The following NCAM2 variants were observed in gnomAD, a reference collection of about 807,000 sequenced individuals.
The protein encoded by NCAM2 is neural cell adhesion molecule 2.
In NCAM2, 30 loss-of-function variants were observed where a neutral mutation model predicts 98.1. The observed-to-expected ratio is 0.31, with a 90% confidence interval of 0.23 to 0.41. The LOEUF is 0.41. NCAM2 is among the 10% of genes least tolerant of loss of function. The pLI is 1.00. For synonymous variants in NCAM2, 368 were observed against 342.4 expected (o/e 1.07, Z -0.83); for missense variants, 867 against 1,005.8 (o/e 0.86, Z 1.87).
At chr21:21,104,813 G>A (rs2066312803) in intron 1 of NCAM2, among the ~76,000 whole-genome samples, 1 of 152,120 alleles carries the variant, frequency 6.6e-6, no homozygotes, top group Admixed American at 6.6e-5. Flanking sequence ...TTGATGGTCT[G>A]TTACTTCTGA....
intron 5 of NCAM2, among the ~76,000 whole-genome samples, chr21:21,321,605 A>C (rs2074377061): frequency 6.6e-6 from 1 of 152,118 alleles, no homozygotes; most frequent in African/African-American, 2.4e-5. Context: ...ATGATGAAAG[A>C]TAGTGGTCCA....
chr21:21,358,896 A>T (rs558653529), intron 8 of NCAM2, among the ~76,000 whole-genome samples: 7 of 151,982 alleles, frequency 4.6e-5, no homozygotes, highest in African/African-American at 2.4e-5. Flanking sequence ...TTTTTAGTTG[A>T]TGATTTTCTA....
chr21:21,115,588 G>C (rs926328509), intron 1 of NCAM2, among the ~76,000 whole-genome samples: 2 of 152,030 alleles, frequency 1.3e-5, no homozygotes, highest in Admixed American at 1.3e-4. Context: ...TAAGTTCATG[G>C]AATGTCCCTG....
At chr21:21,015,314 C>T (rs539073153) in intron 1 of NCAM2, among the ~76,000 whole-genome samples, 4 of 152,156 alleles carry the variant, frequency 2.6e-5, no homozygotes, top group South Asian at 2.1e-4. Context: ...AAGGAAGAGC[C>T]GATTGAAAAC....
intron 1 of NCAM2, among the ~76,000 whole-genome samples, chr21:21,013,225 G>C (rs191951772): frequency 8.9e-4 from 135 of 152,220 alleles, no homozygotes; most frequent in Non-Finnish European, 1.4e-3. Context: ...ACCAAATTAT[G>C]AATGCAGAAA....
At chr21:21,285,132 A>G (rs2073056620) in intron 3 of NCAM2, among the ~76,000 whole-genome samples, 1 of 151,878 alleles carries the variant, frequency 6.6e-6, no homozygotes, top group African/African-American at 2.4e-5. Flanking sequence ...CCTATGTGAT[A>G]TATGGAGTTT....
intron 8 of NCAM2, among the ~76,000 whole-genome samples, chr21:21,340,168 A>G (rs1246481425): frequency 1.3e-5 from 2 of 151,890 alleles, no homozygotes; most frequent in Admixed American, 6.6e-5. Flanking sequence ...AGATCACTCA[A>G]AAGTATTTAC....
At chr21:21,313,599 G>A (rs914941725) in intron 5 of NCAM2, among the ~76,000 whole-genome samples, 1 of 151,676 alleles carries the variant, frequency 6.6e-6, no homozygotes, top group African/African-American at 2.4e-5. Flanking sequence ...CATTTCAAGT[G>A]ATTTCTTATA....
At chr21:21,011,583 A>G (rs1416634402) in intron 1 of NCAM2, among the ~76,000 whole-genome samples, 1 of 152,074 alleles carries the variant, frequency 6.6e-6, no homozygotes, top group East Asian at 1.9e-4. Flanking sequence ...TTGTTGTTAG[A>G]ACATCTAAGA....
At chr21:21,305,593 T>G (rs927824320) in intron 5 of NCAM2, among the ~76,000 whole-genome samples, 3 of 6,342 alleles carry the variant, frequency 4.7e-4, no homozygotes, top group Admixed American at 2.8e-3. Flanking sequence ...TTTCCTAAAT[T>G]ACTGAGTTTT....
At chr21:21,249,184 T>G (rs936003891) in intron 1 of NCAM2, among the ~76,000 whole-genome samples, 7 of 152,208 alleles carry the variant, frequency 4.6e-5, no homozygotes, top group African/African-American at 1.7e-4. Context: ...CTTTCCTCAG[T>G]TACATATTCC....
chr21:21,348,940 A>G (rs1313283857), intron 8 of NCAM2, among the ~76,000 whole-genome samples: 1 of 152,142 alleles, frequency 6.6e-6, no homozygotes, highest in African/African-American at 2.4e-5. Flanking sequence ...TCCAATCAAA[A>G]TGGATTAAAG....
chr21:21,167,005 C>G (rs2067973688), intron 1 of NCAM2, among the ~76,000 whole-genome samples: 1 of 152,196 alleles, frequency 6.6e-6, no homozygotes, highest in African/African-American at 2.4e-5. Flanking sequence ...CTACCCTTCT[C>G]TAAGTATTGC....
rs150136401 is a variant in NCAM2, at chr21:21,526,737, G to A, written c.2283-7800G>A. Among the ~76,000 whole-genome samples, 139 of 152,134 alleles carry A rather than the reference G, an allele frequency of 9.1e-4. No individual in the cohort carries two copies. In the South Asian group the frequency reaches 0.012, roughly 13 times the overall value. On this transcript the variant is annotated intron_variant, in intron 16 of 17. Transcript: ENST00000400546. ...AACTTCAATACTTACTATAAGCTAC[G>A]ATAAACAAGACTTTGTGATATTGGC...
chr21:21,129,688 C>T (rs1051241434), intron 1 of NCAM2, among the ~76,000 whole-genome samples: 6 of 151,668 alleles, frequency 4.0e-5, no homozygotes, highest in South Asian at 2.1e-4. Flanking sequence ...CCTCTTTTGT[C>T]GCTGTTGCCA....
chr21:21,387,847 A>G (rs184997636), intron 9 of NCAM2, among the ~76,000 whole-genome samples: 21 of 152,320 alleles, frequency 1.4e-4, no homozygotes, highest in Admixed American at 3.9e-4. Context: ...TTAAAAAATA[A>G]AGTAGAAAAA....
chr21:21,319,837 G>T (rs1004473693), intron 5 of NCAM2, among the ~76,000 whole-genome samples: 25 of 152,080 alleles, frequency 1.6e-4, no homozygotes, highest in African/African-American at 5.8e-4. Context: ...ATGCAACAAA[G>T]CATCAGTTAA....
chr21:21,189,912 C>G (rs921345516), intron 1 of NCAM2, among the ~76,000 whole-genome samples: 11 of 152,108 alleles, frequency 7.2e-5, no homozygotes, highest in African/African-American at 2.7e-4. Flanking sequence ...CAGAGCAATG[C>G]CGTCAAGTGG....
rs1301692295 is a variant in NCAM2, at chr21:21,125,646, GTATATGTAGAGATATATATATC to G, written c.55+127034_55+127055del. ...ATATATAATATATAATATTTTACGT[GTATATGTAGAGATATATATATC>G]TATATATAGAGATATATATGTAATA... On this transcript the variant is annotated intron_variant, in intron 1 of 17. Coordinates refer to ENST00000400546, the MANE Select transcript of NCAM2 (RefSeq NM_004540.5). 6.8e-5 allele frequency among the ~76,000 whole-genome samples: 9 copies of G among 133,230 alleles called. No homozygotes were observed. In the East Asian group the frequency reaches 8.5e-4, roughly 13 times the overall value. The allele number at this position is 133,230 out of a possible 152,430, so 87.4% of individuals were successfully genotyped here.
Sources: gnomAD v4.1 joint callset for allele counts (sites outside exome capture counted in the v4.1 genomes callset) on GRCh38, gnomAD v4.1.1 for gene constraint, MANE v1.5 for transcripts, NCBI Gene and HGNC (gene_info 2026-07-23, HGNC 2026-07-21) for gene names.